CFAP92: variants seen among roughly 807,000 people sequenced by gnomAD.
CFAP92 encodes the protein uncharacterized protein CFAP92.
A neutral mutation model predicts 106.3 loss-of-function variants in CFAP92; 86 were observed. The ratio of observed to expected loss-of-function variants is 0.81; its 90% confidence interval spans 0.68 to 0.97. The LOEUF (loss-of-function observed/expected upper bound fraction) is 0.97. Among genes scored for constraint, CFAP92 ranks in the 50% least tolerant of loss-of-function variants. The pLI, the probability that CFAP92 is intolerant of heterozygous loss-of-function variation, is 0.00. For missense variants in CFAP92, 1,204 were observed against 1,283.8 expected (o/e 0.94, Z 0.95); for synonymous variants, 477 against 506.4 (o/e 0.94, Z 0.78).
Position 128,978,042 on chromosome 3 carries a change from C to G in CFAP92, c.808+3G>C, listed in dbSNP as rs905507792. ...CTTGTCCACAAAGGCCTTCTCCGCT[C>G]ACCTTGCAAAGACTTTGGGTGTTTT... On this transcript the variant is annotated splice_donor_region_variant and intron_variant, in intron 5 of 15. Coordinates refer to ENST00000645291, the MANE Select transcript of CFAP92 (RefSeq NM_001394090.1). 1.9e-6 allele frequency: 3 copies of G among 1,613,790 alleles called. No individual in the cohort carries two copies. The highest frequency in any genetic ancestry group is 2.7e-5 in the African/African-American group (2 of 74,906).
the CFAP92 span, among the ~76,000 whole-genome samples, chr3:129,008,639 A>T: frequency 6.6e-6 from 1 of 152,212 alleles, no homozygotes; most frequent in Non-Finnish European, 1.5e-5. Context: ...GGCAGTAGAC[A>T]TGTTAGGGCA....
intron 4 of CFAP92, among the ~76,000 whole-genome samples, chr3:128,982,007 G>A (rs1943566994): frequency 6.6e-6 from 1 of 152,248 alleles, no homozygotes; most frequent in South Asian, 2.1e-4. Context: ...AGGCTCTAGG[G>A]TTCTGGGAAT....
chr3:128,950,467 G>A (rs1344204915), intron 9 of CFAP92, among the ~76,000 whole-genome samples: 6 of 152,200 alleles, frequency 3.9e-5, no homozygotes, highest in Non-Finnish European at 7.3e-5. Flanking sequence ...TAAAGGAAGC[G>A]GACTACACAC....
At chr3:128,936,085 C>T (rs1308313797) in intron 10 of CFAP92, among the ~76,000 whole-genome samples, 1 of 152,146 alleles carries the variant, frequency 6.6e-6, no homozygotes, top group Non-Finnish European at 1.5e-5. Context: ...CTCACCACCC[C>T]TCCAAGCCCT....
At chr3:128,993,423 C>G in intron 1 of CFAP92, 87 bp from the exon 2 acceptor site, 1 of 1,349,484 alleles carries the variant, frequency 7.4e-7, no homozygotes, top group Non-Finnish European at 1.0e-6. Flanking sequence ...AAGCACCCAC[C>G]CTTCTCTTCC....
chr3:129,011,921 G>T, the CFAP92 span, among the ~76,000 whole-genome samples: 24 of 152,226 alleles, frequency 1.6e-4, no homozygotes, highest in African/African-American at 5.8e-4. Flanking sequence ...AGCCTAGACA[G>T]GGATGGTAAT....
At chr3:128,949,797 C>CT (rs1260452779) in intron 9 of CFAP92, among the ~76,000 whole-genome samples, 1 of 152,202 alleles carries the variant, frequency 6.6e-6, no homozygotes, top group African/African-American at 2.4e-5. Flanking sequence ...AGCAATTCTC[C>CT]TGCTTCAGCC....
intron 11 of CFAP92, among the ~76,000 whole-genome samples, 170 bp from the exon 12 acceptor site, chr3:128,933,167 G>A (rs1194766071): frequency 1.3e-5 from 2 of 152,228 alleles, no homozygotes; most frequent in African/African-American, 4.8e-5. Context: ...CTGGGCTCCT[G>A]GCAAAAGCCT....
At chr3:128,998,462 A>G (rs147124770), upstream of CFAP92, among the ~76,000 whole-genome samples, 60 of 152,330 alleles carry the variant, frequency 3.9e-4, no homozygotes, top group African/African-American at 1.3e-3. Flanking sequence ...CAAAAGCTTT[A>G]TGACACTGAA....
chr3:128,953,751 G>A (rs1266501284), intron 9 of CFAP92, among the ~76,000 whole-genome samples: 46 of 120,194 alleles, frequency 3.8e-4, no homozygotes, highest in Admixed American at 1.7e-3. Flanking sequence ...GAGTGCCTGC[G>A]ATTGCAGGCA....
At chr3:129,011,178 C>A in the CFAP92 span, among the ~76,000 whole-genome samples, 2 of 152,144 alleles carry the variant, frequency 1.3e-5, no homozygotes, top group Non-Finnish European at 2.9e-5. Context: ...GATAATAATA[C>A]CCACTTCATG....
At position 128,945,702 on chromosome 3, in the gene CFAP92, T is replaced by G; in HGVS notation, c.1627A>C (p.Ile543Leu). The G allele has an allele frequency of 6.5e-7, 1 of 1,536,094 alleles. No individual in the cohort carries two copies. Among genetic ancestry groups the G allele is most frequent in the Non-Finnish European group, 8.7e-7 (1 of 1,146,902 alleles). Reference sequence around the variant, plus strand: ...TTGTTCTCTGTCTCTCTGGGAGAGATGAGGGCCTGGAAGTTGAGGTATGAA... The same window carrying G: ...TTGTTCTCTGTCTCTCTGGGAGAGAGGAGGGCCTGGAAGTTGAGGTATGAA... ...LDSYLNFQAL[I>L]SPRETENNPF... Residue 543 changes from isoleucine (I) to leucine (L), a missense_variant, in exon 10 of 16, where the codon ATC becomes CTC. Coordinates refer to ENST00000645291, the MANE Select transcript of CFAP92 (RefSeq NM_001394090.1).
upstream of CFAP92, among the ~76,000 whole-genome samples, chr3:128,998,248 G>A (rs189836216): frequency 8.5e-5 from 13 of 152,200 alleles, no homozygotes; most frequent in Middle Eastern, 3.4e-3. Context: ...TCTCTTGTTC[G>A]TCATATTTTC....
At chr3:128,912,655 G>A (rs773362534) in intron 15 of CFAP92, 17 of 1,454,662 alleles carry the variant, frequency 1.2e-5, no homozygotes, top group Non-Finnish European at 1.5e-5. Context: ...CCCATGGCCC[G>A]TTGCTGGATG....
intron 3 of CFAP92, among the ~76,000 whole-genome samples, chr3:128,988,243 A>G (rs1383644715): frequency 6.6e-6 from 1 of 152,164 alleles, no homozygotes; most frequent in Non-Finnish European, 1.5e-5. Context: ...TGGGTAAAAT[A>G]TCTAAATAAA....
chr3:128,942,371 G>A (rs867876279), intron 10 of CFAP92, among the ~76,000 whole-genome samples: 1 of 152,200 alleles, frequency 6.6e-6, no homozygotes, highest in Non-Finnish European at 1.5e-5. Flanking sequence ...CAGGCAGCTC[G>A]CCCCAGCCCT....
At chr3:128,947,245 T>C (rs1170684028) in intron 9 of CFAP92, among the ~76,000 whole-genome samples, 2 of 148,886 alleles carry the variant, frequency 1.3e-5, no homozygotes, top group African/African-American at 5.0e-5. Flanking sequence ...AAAAAAAAGA[T>C]GTAAATAAAT....
chr3:129,021,828 C>G, the CFAP92 span, among the ~76,000 whole-genome samples: 23 of 152,264 alleles, frequency 1.5e-4, no homozygotes, highest in African/African-American at 5.5e-4. Context: ...AAATGTATAT[C>G]ATAAAACTCC....
intron 7 of CFAP92, among the ~76,000 whole-genome samples, chr3:128,973,941 G>A (rs1942984943): frequency 3.9e-5 from 6 of 152,216 alleles, no homozygotes; most frequent in Admixed American, 3.9e-4. Context: ...GCATTTTCAT[G>A]TGAACTTTCC....
Sources: allele counts gnomAD v4.1 joint callset (sites outside exome capture counted in the v4.1 genomes callset), GRCh38; gene constraint gnomAD v4.1.1; transcripts MANE v1.5; gene names NCBI Gene and HGNC (gene_info 2026-07-23, HGNC 2026-07-21).